Variants in LOC122539214 observed in about 807,000 individuals in gnomAD.
chr19:52,677,329 A>AAAAAAAT, the LOC122539214 span, among the ~76,000 whole-genome samples: 11 of 129,116 alleles, frequency 8.5e-5, 2 homozygotes, highest in South Asian at 2.4e-4. Context: ...AAAAAAAAAA[A>AAAAAAAT]ACAAAAATTA....
the LOC122539214 span, among the ~76,000 whole-genome samples, chr19:52,662,081 T>C: frequency 3.3e-5 from 5 of 152,108 alleles, no homozygotes; most frequent in Non-Finnish European, 7.4e-5. Flanking sequence ...AGGGATGAGG[T>C]CTTGAAATAT....
At chr19:52,656,398 G>A in the LOC122539214 span, among the ~76,000 whole-genome samples, 24 of 152,032 alleles carry the variant, frequency 1.6e-4, no homozygotes, top group Non-Finnish European at 1.0e-4. Context: ...GGGGGAATGT[G>A]CCTGTAATCC....
At chr19:52,667,074 C>G in the LOC122539214 span, among the ~76,000 whole-genome samples, 78 of 151,848 alleles carry the variant, frequency 5.1e-4, no homozygotes, top group Middle Eastern at 3.4e-3. Flanking sequence ...AATTGAAATC[C>G]CAAACTTACA....
the LOC122539214 span, chr19:52,651,500 C>A: frequency 6.6e-6 from 1 of 152,022 alleles, no homozygotes; most frequent in East Asian, 1.9e-4. Flanking sequence ...TCTGGCTTTT[C>A]CATCAGCCTT....
the LOC122539214 span, among the ~76,000 whole-genome samples, chr19:52,679,070 G>A: frequency 6.6e-6 from 1 of 152,018 alleles, no homozygotes; most frequent in African/African-American, 2.4e-5. Context: ...TCTGTTACAG[G>A]GTTGATTCTA....
the LOC122539214 span, among the ~76,000 whole-genome samples, chr19:52,685,897 C>CAAAA: frequency 3.0e-5 from 4 of 132,546 alleles, no homozygotes; most frequent in East Asian, 2.4e-4. Context: ...GTAACTGTCA[C>CAAAA]AAAAAAAAAA....
chr19:52,685,280 C>A, the LOC122539214 span, among the ~76,000 whole-genome samples: 3 of 152,162 alleles, frequency 2.0e-5, no homozygotes, highest in African/African-American at 7.2e-5. Context: ...GACATTTTCA[C>A]CGAGTTACCC....
chr19:52,665,671 C>A, the LOC122539214 span, among the ~76,000 whole-genome samples: 3 of 152,136 alleles, frequency 2.0e-5, no homozygotes, highest in African/African-American at 7.2e-5. Flanking sequence ...ATTTTTCCCA[C>A]CAAACCACTC....
At chr19:52,671,612 T>G in the LOC122539214 span, among the ~76,000 whole-genome samples, 4 of 152,216 alleles carry the variant, frequency 2.6e-5, no homozygotes, top group Non-Finnish European at 4.4e-5. Flanking sequence ...CTGGCTAATT[T>G]GTTAGTACTT....
the LOC122539214 span, chr19:52,653,066 G>A: frequency 2.0e-6 from 3 of 1,489,002 alleles, no homozygotes; most frequent in Non-Finnish European, 2.8e-6. Flanking sequence ...CACTTGTAAG[G>A]TTTCTCTCCA....
the LOC122539214 span, chr19:52,653,206 G>T: frequency 3.3e-6 from 5 of 1,529,102 alleles, no homozygotes; most frequent in Admixed American, 8.5e-5. Context: ...CTGACTGAAG[G>T]TCTTGCCACA....
the LOC122539214 span, among the ~76,000 whole-genome samples, chr19:52,687,244 C>T: frequency 1.4e-5 from 2 of 146,202 alleles, no homozygotes; most frequent in Non-Finnish European, 3.0e-5. Context: ...AATCCCAGTA[C>T]TTTGGGAGGT....
At chr19:52,668,977 A>G in the LOC122539214 span, among the ~76,000 whole-genome samples, 1 of 152,210 alleles carries the variant, frequency 6.6e-6, no homozygotes, top group Non-Finnish European at 1.5e-5. Context: ...AGTTCACTTT[A>G]TGTCCCTCAT....
At chr19:52,682,898 T>C in the LOC122539214 span, among the ~76,000 whole-genome samples, 1 of 151,570 alleles carries the variant, frequency 6.6e-6, no homozygotes, top group South Asian at 2.1e-4. Flanking sequence ...CTAGATGGAG[T>C]CTCTCTCTGT....
chr19:52,676,068 T>C, the LOC122539214 span, among the ~76,000 whole-genome samples: 6,012 of 152,270 alleles, frequency 0.039, 339 homozygotes, highest in African/African-American at 0.13. Context: ...TCCCGCTCAC[T>C]GCAACCTCCC....
chr19:52,676,125 C>T, the LOC122539214 span, among the ~76,000 whole-genome samples: 2 of 152,174 alleles, frequency 1.3e-5, no homozygotes, highest in Non-Finnish European at 1.5e-5. Flanking sequence ...CAATTGCAGG[C>T]GCGCGCCGCC....
chr19:52,680,673 C>G, the LOC122539214 span, among the ~76,000 whole-genome samples: 4 of 126,362 alleles, frequency 3.2e-5, no homozygotes, highest in African/African-American at 3.4e-5. Flanking sequence ...AGTGCAGTGG[C>G]GCGATCTCGG....
At chr19:52,677,306 TAAAAA>T in the LOC122539214 span, among the ~76,000 whole-genome samples, 3 of 106,464 alleles carry the variant, frequency 2.8e-5, no homozygotes, top group East Asian at 5.1e-4. Context: ...AATTGAGAAG[TAAAAA>T]AAAAAAAAAA....
chr19:52,673,716 T>G, the LOC122539214 span, among the ~76,000 whole-genome samples: 4 of 151,774 alleles, frequency 2.6e-5, no homozygotes, highest in African/African-American at 7.3e-5. Flanking sequence ...AGAGTGAGAC[T>G]CCAACTCAAA....
Sources: gnomAD v4.1 joint callset for allele counts (sites outside exome capture counted in the v4.1 genomes callset) on GRCh38, gnomAD v4.1.1 for gene constraint, MANE v1.5 for transcripts.